Variants in SUPT6H observed in about 807,000 individuals in gnomAD.
The protein encoded by SUPT6H is transcription elongation factor SPT6.
Under a neutral mutation model 222.3 loss-of-function variants are expected in SUPT6H, and 11 were observed. That is an observed-to-expected ratio of 0.05 (90% CI 0.03 to 0.08). The LOEUF is 0.08. Ranked by LOEUF, SUPT6H falls within the 10% of genes least tolerant of loss-of-function variation. The probability of loss-of-function intolerance (pLI) is 1.00; values close to 1 mark genes in which losing one functional copy is unlikely to be tolerated. For missense variants in SUPT6H, 1,422 were observed against 2,216.0 expected (o/e 0.64, Z 7.19); for synonymous variants, 762 against 801.2 (o/e 0.95, Z 0.83).
intron 11 of SUPT6H, among the ~76,000 whole-genome samples, chr17:28,679,472 C>T (rs1232516562): frequency 6.6e-6 from 1 of 152,072 alleles, no homozygotes; most frequent in Non-Finnish European, 1.5e-5. Flanking sequence ...TCACTTCAGC[C>T]CAGGAATTCA....
At position 28,681,012 on chromosome 17, in the gene SUPT6H, G is replaced by A. The variant is rs956424410; in HGVS notation, c.1350-244G>A. On this transcript the variant is annotated intron_variant, in intron 11 of 36. Coordinates refer to ENST00000314616, the MANE Select transcript of SUPT6H (RefSeq NM_003170.5). ...GTTGCCTAGGATGGAGAGCAGTGGTGTGGTCACAGTTCGCGGCAGCCTCAA... is the reference window on the plus strand; with the variant it reads ...GTTGCCTAGGATGGAGAGCAGTGGTATGGTCACAGTTCGCGGCAGCCTCAA... 5.3e-5 allele frequency: 24 copies of A among 451,830 alleles called. 1 individual carries two copies. The highest frequency in any genetic ancestry group is 6.3e-4 in the Middle Eastern group (1 of 1,580). The allele number at this position is 451,830 out of a possible 1,614,324, so 28.0% of individuals were successfully genotyped here.
Position 28,683,760 on chromosome 17 carries a change from A to T in SUPT6H, c.2173A>T (p.Met725Leu), listed in dbSNP as rs759915466. The change falls in exon 17 of 37, where the codon ATG becomes TTG. Residue 725 changes from methionine to leucine, a missense_variant. By Grantham distance (15) the Met-to-Leu change is conservative. Around this residue, in one of 13 missense-constraint regions of SUPT6H, gnomAD observed 294 missense variants for 382.1 expected, o/e 0.77. Coordinates refer to ENST00000314616, the MANE Select transcript of SUPT6H (RefSeq NM_003170.5). ...RALQQFLYVQ[M>L]AKELKNKLLA... ...TTTACAGCAGTTCCTCTATGTGCAG[A>T]TGGCCAAAGAACTCAAGAACAAGCT... is the stretch of plus-strand genomic sequence containing the variant. 6.2e-7 allele frequency: 1 copy of T among 1,614,052 alleles called. No individual in the cohort carries two copies. Among genetic ancestry groups the T allele is most frequent in the South Asian group, 1.1e-5 (1 of 91,076 alleles).
Position 28,702,026 on chromosome 17 carries a change from G to C in SUPT6H, c.*401G>C, listed in dbSNP as rs1022461035. 3 of 171,684 alleles carry C rather than the reference G, an allele frequency of 1.7e-5. No individual in the cohort carries two copies. The highest frequency in any genetic ancestry group is 3.7e-5 in the Non-Finnish European group (3 of 80,160). The allele number at this position is 171,684 out of a possible 1,614,324, so 10.6% of individuals were successfully genotyped here. On this transcript the variant is annotated 3_prime_UTR_variant, in exon 37 of 37. Transcript: ENST00000314616. ...CATGAGTCTCCCCTAGCTCTCGTGG[G>C]GAGAGGGATGCTATTTATTCAGTTT...
In SUPT6H at chr17:28,701,861, G is replaced by A. The variant is rs1300110384; in HGVS notation, c.*236G>A. On this transcript the variant is annotated 3_prime_UTR_variant, in exon 37 of 37. Transcript: ENST00000314616. ...CACCGACCACCTGTCCTGGGACCAG[G>A]CTGGGAGGGGAGTGTGGCAGGGAGG... The A allele has an allele frequency of 1.9e-6, 1 of 518,280 alleles. No homozygotes were observed. The highest frequency in any genetic ancestry group is 3.0e-5 in the East Asian group (1 of 33,702). 32.1% of individuals were successfully genotyped at this position (518,280 alleles called of 1,614,324 possible).
rs2031232426 is a variant in SUPT6H, at chr17:28,683,613, C to T, written c.2034-8C>T. 1.2e-6 allele frequency: 2 copies of T among 1,612,906 alleles called. No homozygotes were observed. The highest frequency in any genetic ancestry group is 2.2e-5 in the East Asian group (1 of 44,868). On this transcript the variant is annotated splice_region_variant and splice_polypyrimidine_tract_variant and intron_variant, in intron 16 of 36. Transcript: ENST00000314616. ...TTCCTGACACCATAGCTTTGTGTCT[C>T]TTCTCAGCTATGGCAACGACCAGAC...
chr17:28,670,292 T>C (rs1416093596), intron 1 of SUPT6H: 2 of 152,180 alleles, frequency 1.3e-5, no homozygotes, highest in Admixed American at 6.5e-5. Context: ...CATAGGACAG[T>C]GTAGGGATTA....
intron 27 of SUPT6H, among the ~76,000 whole-genome samples, chr17:28,693,437 G>C (rs2031765805): frequency 6.6e-6 from 1 of 152,116 alleles, no homozygotes; most frequent in Non-Finnish European, 1.5e-5. Flanking sequence ...ACTCCAGCCT[G>C]GGCAACAGAG....
intron 9 of SUPT6H, 150 bp downstream of exon 9, chr17:28,678,342 C>G: frequency 2.3e-6 from 2 of 861,144 alleles, no homozygotes; most frequent in South Asian, 1.5e-5. Flanking sequence ...CCCTAGTGAT[C>G]GTAAGAACAA....
intron 27 of SUPT6H, 186 bp downstream of exon 27, chr17:28,691,249 G>A: frequency 1.3e-6 from 1 of 778,628 alleles, no homozygotes; most frequent in Non-Finnish European, 2.0e-6. Flanking sequence ...TGACATAGCT[G>A]GGCACGGTGG....
At chr17:28,677,884 C>T in intron 8 of SUPT6H, 68 bp downstream of exon 8, 2 of 1,423,344 alleles carry the variant, frequency 1.4e-6, no homozygotes, top group Non-Finnish European at 2.0e-6. Context: ...GGGAGCTCTT[C>T]CTCCCCTATT....
intron 1 of SUPT6H, among the ~76,000 whole-genome samples, chr17:28,669,060 A>AT (rs2030258541): frequency 6.6e-6 from 1 of 152,216 alleles, no homozygotes; most frequent in African/African-American, 2.4e-5. Flanking sequence ...CTTCAAAGAC[A>AT]TTTTGTTTAT....
rs201936130 is a variant in SUPT6H, at chr17:28,701,090, G to A, written c.4956G>A (p.Gln1652=). Residue 1652 remains glutamine (Q), a synonymous_variant, in exon 36 of 37, where the codon CAG becomes CAA. Coordinates refer to ENST00000314616, the MANE Select transcript of SUPT6H (RefSeq NM_003170.5). ...CACAGTCGGCCCAGGCCCAGCCCCA[G>A]CCCTCTTCCAGCTCCCGGCAACGGC... ...TTPQSAQAQP[Q]PSSSSRQRQQ... The A allele has an allele frequency of 6.2e-7, 1 of 1,613,062 alleles. No homozygotes were observed. The highest frequency in any genetic ancestry group is 1.3e-5 in the African/African-American group (1 of 75,034).
chr17:28,674,198 C>CAA, intron 2 of SUPT6H, 85 bp from the exon 3 acceptor site: 1 of 1,542,370 alleles, frequency 6.5e-7, no homozygotes, highest in Admixed American at 1.8e-5. Context: ...AGGTGCAGAG[C>CAA]AAATGGATAA....
At chr17:28,671,720 T>C (rs1862651603) in intron 1 of SUPT6H, among the ~76,000 whole-genome samples, 1 of 152,212 alleles carries the variant, frequency 6.6e-6, no homozygotes, top group African/African-American at 2.4e-5. Flanking sequence ...TACAGAATGC[T>C]AAGGAAAATT....
intron 11 of SUPT6H, 74 bp from the exon 12 acceptor site, chr17:28,681,182 G>A: frequency 6.4e-7 from 1 of 1,556,090 alleles, no homozygotes. Context: ...TTTGGGAATT[G>A]GACCTCTTGT....
chr17:28,689,956 A>T, intron 25 of SUPT6H, 126 bp from the exon 26 acceptor site: 1 of 1,254,126 alleles, frequency 8.0e-7, no homozygotes, highest in Non-Finnish European at 1.1e-6. Context: ...ATGTTGATGG[A>T]AAGAAAAGAA....
intron 36 of SUPT6H, 55 bp downstream of exon 36, chr17:28,701,183 A>T: frequency 6.5e-7 from 1 of 1,545,088 alleles, no homozygotes; most frequent in South Asian, 1.2e-5. Flanking sequence ...AGGTGTTGTC[A>T]AGAGGCCGAA....
chr17:28,663,492 A>C (rs1227241987), intron 1 of SUPT6H, among the ~76,000 whole-genome samples: 1 of 152,150 alleles, frequency 6.6e-6, no homozygotes, highest in Admixed American at 6.6e-5. Context: ...AAGCCTACCT[A>C]GTGTGGTGGA....
chr17:28,677,807 T>A lies in SUPT6H; in HGVS notation c.990T>A (p.Ile330=), dbSNP rs1372900325. The change falls in exon 8 of 37, where the codon ATT becomes ATA. Residue 330 remains isoleucine (I), a synonymous_variant. Transcript: ENST00000314616. ...IYRNAFATPT[I]SLQESCDYLD... is the part of the protein sequence containing the mutation. Reference sequence around the variant, plus strand: ...GGAATGCTTTTGCCACACCAACCATTTCTCTCCAGGTACACAAAAAAGATC... The same window carrying A: ...GGAATGCTTTTGCCACACCAACCATATCTCTCCAGGTACACAAAAAAGATC... 6.2e-7 allele frequency: 1 copy of A among 1,614,038 alleles called. No individual in the cohort carries two copies. Among genetic ancestry groups the A allele is most frequent in the Middle Eastern group, 1.6e-4 (1 of 6,062 alleles).
Sources: gnomAD v4.1 joint callset for allele counts (sites outside exome capture counted in the v4.1 genomes callset) on GRCh38, gnomAD v4.1.1 for gene constraint, gnomAD v4.1.1 regional missense constraint, MANE v1.5 for transcripts, NCBI Gene and HGNC (gene_info 2026-07-23, HGNC 2026-07-21) for gene names.